The following AGBL1 variants were observed in gnomAD, a reference collection of about 807,000 sequenced individuals.
The protein encoded by AGBL1 is AGBL carboxypeptidase 1.
A neutral mutation model predicts 118.9 loss-of-function variants in AGBL1; 130 were observed. The observed-to-expected ratio is 1.09, with a 90% CI of 0.95 to 1.26. AGBL1 has a LOEUF of 1.26. Among genes scored for constraint, AGBL1 ranks in the 50% most tolerant of loss-of-function variants. The pLI is 0.00. For synonymous variants in AGBL1, 555 were observed against 478.9 expected (o/e 1.16, Z -2.08); for missense variants, 1,584 against 1,298.1 (o/e 1.22, Z -3.38).
chr15:86,495,235 A>C (rs542510681), intron 18 of AGBL1, among the ~76,000 whole-genome samples: 106 of 151,806 alleles, frequency 7.0e-4, no homozygotes, highest in African/African-American at 2.4e-3. Context: ...TTTATATAGA[A>C]ATTTTTATTA....
intron 5 of AGBL1, among the ~76,000 whole-genome samples, chr15:86,193,440 T>C (rs547711361): frequency 2.6e-5 from 4 of 152,316 alleles, no homozygotes; most frequent in African/African-American, 9.6e-5. Context: ...AATTAGAAGG[T>C]GGCAAACTGA....
At chr15:86,713,977 G>A (rs570003123) in intron 22 of AGBL1, among the ~76,000 whole-genome samples, 12 of 152,086 alleles carry the variant, frequency 7.9e-5, no homozygotes, top group Non-Finnish European at 1.5e-4. Flanking sequence ...CCTTGAACGC[G>A]CACACAAAGG....
chr15:86,160,733 T>G (rs570050476), intron 5 of AGBL1, among the ~76,000 whole-genome samples: 1 of 152,290 alleles, frequency 6.6e-6, no homozygotes, highest in South Asian at 2.1e-4. Flanking sequence ...TCCTTTAGAT[T>G]ATGTGCAAAT....
At chr15:86,426,560 C>A (rs368850513) in intron 18 of AGBL1, among the ~76,000 whole-genome samples, 3 of 152,156 alleles carry the variant, frequency 2.0e-5, no homozygotes, top group African/African-American at 4.8e-5. Flanking sequence ...AACCGGCCAA[C>A]AACTGAAGCC....
chr15:86,456,472 C>T (rs2082259270), intron 18 of AGBL1, among the ~76,000 whole-genome samples: 2 of 152,282 alleles, frequency 1.3e-5, no homozygotes, highest in South Asian at 4.1e-4. Flanking sequence ...AGCATGGGCA[C>T]AGTAGATGAT....
intron 22 of AGBL1, among the ~76,000 whole-genome samples, chr15:86,817,857 C>T (rs1338643237): frequency 6.6e-6 from 1 of 152,116 alleles, no homozygotes; most frequent in Non-Finnish European, 1.5e-5. Context: ...TAAAAGTAGG[C>T]CCTTGATCTA....
intron 21 of AGBL1, among the ~76,000 whole-genome samples, chr15:86,652,119 G>C (rs1299287224): frequency 2.0e-5 from 3 of 152,138 alleles, no homozygotes; most frequent in Non-Finnish European, 2.9e-5. Flanking sequence ...TGTTAAAAGA[G>C]TAAGTCTGAC....
At position 87,024,207 on chromosome 15, in the gene AGBL1, A is replaced by G. The variant is rs2081699563; in HGVS notation, c.3324-4618A>G. Among the ~76,000 whole-genome samples, 5 of 152,104 alleles carry G rather than the reference A, an allele frequency of 3.3e-5. 1 individual carries two copies. In the South Asian group the frequency reaches 1.0e-3, roughly 32 times the overall value. ...AATGAAACAAAAATCTGGTTCTTTG[A>G]AAAGATAAATGAAACTGATAGACCA... is the stretch of plus-strand genomic sequence containing the variant. On this transcript the variant is annotated intron_variant, in intron 24 of 24. Transcript: ENST00000441037.
chr15:86,420,296 A>G (rs2081769271), intron 18 of AGBL1, among the ~76,000 whole-genome samples: 1 of 152,094 alleles, frequency 6.6e-6, no homozygotes. Context: ...GCTGTTCTGC[A>G]GCCTCTGCTG....
At chr15:86,846,334 C>G (rs541806692) in intron 22 of AGBL1, among the ~76,000 whole-genome samples, 1 of 152,146 alleles carries the variant, frequency 6.6e-6, no homozygotes, top group African/African-American at 2.4e-5. Flanking sequence ...TGTCATTTCA[C>G]TGTTTTGACT....
At chr15:86,859,769 GGAA>G (rs1378024185) in intron 22 of AGBL1, among the ~76,000 whole-genome samples, 1 of 152,128 alleles carries the variant, frequency 6.6e-6, no homozygotes, top group African/African-American at 2.4e-5. Flanking sequence ...GTGCACATAT[GGAA>G]GAAGAATACT....
chr15:86,091,862 G>A (rs891669494), intron 1 of AGBL1, among the ~76,000 whole-genome samples: 1 of 151,978 alleles, frequency 6.6e-6, no homozygotes, highest in Non-Finnish European at 1.5e-5. Flanking sequence ...ACTTGGTCTT[G>A]GACATCTTTC....
chr15:86,245,769 G>A (rs919139780), intron 6 of AGBL1, among the ~76,000 whole-genome samples: 5 of 152,290 alleles, frequency 3.3e-5, no homozygotes, highest in Admixed American at 2.0e-4. Context: ...GTGGGCTTCC[G>A]AACTTTACCT....
chr15:86,539,078 A>G (rs953237739), intron 19 of AGBL1, among the ~76,000 whole-genome samples: 1 of 125,754 alleles, frequency 8.0e-6, no homozygotes, highest in Non-Finnish European at 1.7e-5. Flanking sequence ...AGGAAGATGC[A>G]TAATCCAATC....
chr15:86,463,657 T>C (rs533995405), intron 18 of AGBL1, among the ~76,000 whole-genome samples: 2 of 152,352 alleles, frequency 1.3e-5, no homozygotes, highest in South Asian at 4.1e-4. Context: ...TTTCTGCATA[T>C]AGCTAGTGAG....
chr15:86,788,514 CT>C (rs2078446595), intron 22 of AGBL1, among the ~76,000 whole-genome samples: 3 of 152,234 alleles, frequency 2.0e-5, no homozygotes, highest in Admixed American at 2.0e-4. Context: ...TTGTAAAATA[CT>C]TATAGAACAT....
At chr15:86,880,824 C>G (rs984885211) in intron 22 of AGBL1, among the ~76,000 whole-genome samples, 10 of 152,032 alleles carry the variant, frequency 6.6e-5, no homozygotes, top group African/African-American at 2.4e-4. Flanking sequence ...TCAAAACACA[C>G]AAGATAAGAA....
intron 5 of AGBL1, among the ~76,000 whole-genome samples, chr15:86,198,181 T>G (rs1038748563): frequency 2.6e-5 from 4 of 152,200 alleles, no homozygotes; most frequent in African/African-American, 9.6e-5. Flanking sequence ...TGTCATCTCT[T>G]TCTTTGGTCT....
chr15:86,512,144 T>A lies in AGBL1; in HGVS notation c.2556-10666T>A, dbSNP rs1214077463. Among the ~76,000 whole-genome samples, 7 of 151,998 alleles carry A rather than the reference T, an allele frequency of 4.6e-5. 1 individual carries two copies. The highest frequency in any genetic ancestry group is 3.9e-4 in the Admixed American group (6 of 15,242). ...GAGGTACACAAAACACTATCTTGTC[T>A]TTAAAGTGCTGAATGTCTGGTGGAA... On this transcript the variant is annotated intron_variant, in intron 18 of 22. Coordinates refer to ENST00000614907, the MANE Select transcript of AGBL1 (RefSeq NM_001386094.1).
Sources: gnomAD v4.1 joint callset for allele counts (sites outside exome capture counted in the v4.1 genomes callset) on GRCh38, gnomAD v4.1.1 for gene constraint, MANE v1.5 for transcripts, NCBI Gene and HGNC (gene_info 2026-07-23, HGNC 2026-07-21) for gene names.